Variants in VAV3 observed in about 807,000 individuals in gnomAD.
The protein encoded by VAV3 is vav guanine nucleotide exchange factor 3, also known as guanine nucleotide exchange factor VAV3.
In VAV3, 94 loss-of-function variants were observed where a neutral mutation model predicts 131.2. That is an observed-to-expected ratio of 0.72 (90% CI 0.61 to 0.85). VAV3 has a LOEUF of 0.85. Among genes scored for constraint, VAV3 ranks in the 40% least tolerant of loss-of-function variants. VAV3 has a pLI of 0.00. For synonymous variants in VAV3, 349 were observed against 342.0 expected (o/e 1.02, Z -0.22); for missense variants, 939 against 1,002.7 (o/e 0.94, Z 0.86).
intron 11 of VAV3, among the ~76,000 whole-genome samples, chr1:107,756,349 T>C (rs763152785): frequency 3.3e-5 from 5 of 152,180 alleles, no homozygotes; most frequent in Non-Finnish European, 7.3e-5. Context: ...AAGCAGTTCC[T>C]AACTTTGTTC....
chr1:107,829,740 A>G (rs548772576), intron 2 of VAV3, among the ~76,000 whole-genome samples: 4 of 152,310 alleles, frequency 2.6e-5, no homozygotes, highest in Non-Finnish European at 5.9e-5. Context: ...TTCAATTTTT[A>G]AATCTTAAAA....
At chr1:107,590,434 C>T (rs936447142) in intron 25 of VAV3, among the ~76,000 whole-genome samples, 1 of 151,844 alleles carries the variant, frequency 6.6e-6, no homozygotes, top group Non-Finnish European at 1.5e-5. Flanking sequence ...AACAATGCAC[C>T]AGAAGAAATT....
At chr1:107,709,632 G>A (rs951064074) in intron 15 of VAV3, among the ~76,000 whole-genome samples, 9 of 152,216 alleles carry the variant, frequency 5.9e-5, no homozygotes, top group African/African-American at 1.9e-4. Flanking sequence ...CGTGTCGTGA[G>A]AGGGACCAGG....
intron 17 of VAV3, 89 bp from the exon 18 acceptor site, chr1:107,688,495 C>T: frequency 6.3e-7 from 1 of 1,592,076 alleles, no homozygotes. Context: ...TGGTAAAACA[C>T]CACTGCTTTG....
At chr1:107,854,272 T>C (rs1669364978) in intron 2 of VAV3, among the ~76,000 whole-genome samples, 1 of 152,182 alleles carries the variant, frequency 6.6e-6, no homozygotes, top group Admixed American at 6.5e-5. Context: ...ATTGTACCAC[T>C]GCATTCCAAC....
chr1:107,801,819 T>A (rs1337144102), intron 2 of VAV3, among the ~76,000 whole-genome samples: 2 of 152,164 alleles, frequency 1.3e-5, no homozygotes, highest in Non-Finnish European at 2.9e-5. Context: ...TCATTTAAAT[T>A]TAATTCACCT....
chr1:107,892,451 T>C (rs943196974), intron 1 of VAV3, among the ~76,000 whole-genome samples: 2 of 152,048 alleles, frequency 1.3e-5, no homozygotes, highest in Non-Finnish European at 2.9e-5. Context: ...CCTGAAGGAG[T>C]TGTACAAATG....
intron 19 of VAV3, among the ~76,000 whole-genome samples, chr1:107,681,948 C>T (rs1162709161): frequency 2.0e-5 from 3 of 152,198 alleles, no homozygotes; most frequent in African/African-American, 4.8e-5. Flanking sequence ...GCGTGAGCCA[C>T]TGCACCCAGC....
At chr1:107,912,072 T>C (rs867328760) in intron 1 of VAV3, among the ~76,000 whole-genome samples, 51 of 152,340 alleles carry the variant, frequency 3.3e-4, no homozygotes, top group African/African-American at 1.2e-3. Context: ...TGTGTGTGTG[T>C]GCGTGTTTAC....
intron 2 of VAV3, among the ~76,000 whole-genome samples, chr1:107,845,675 A>G (rs1485989462): frequency 1.3e-5 from 2 of 152,118 alleles, no homozygotes; most frequent in Non-Finnish European, 2.9e-5. Context: ...ACAGCCAAAT[A>G]GATCAAACAG....
intron 1 of VAV3, among the ~76,000 whole-genome samples, chr1:107,878,510 A>G (rs1048542093): frequency 2.0e-5 from 3 of 152,182 alleles, no homozygotes; most frequent in Non-Finnish European, 2.9e-5. Flanking sequence ...AAAATGTCCT[A>G]AATTCTGCAT....
intron 20 of VAV3, among the ~76,000 whole-genome samples, chr1:107,637,738 A>G (rs941362131): frequency 6.6e-6 from 1 of 152,206 alleles, no homozygotes; most frequent in African/African-American, 2.4e-5. Context: ...AAATAATGCT[A>G]ATTCTATAAA....
At chr1:107,747,286 CA>C (rs907239407) in intron 15 of VAV3, among the ~76,000 whole-genome samples, 132 of 152,182 alleles carry the variant, frequency 8.7e-4, no homozygotes, top group African/African-American at 3.1e-3. Context: ...TGCTCTAGGA[CA>C]TGAAATTCAA....
At chr1:107,850,861 C>T (rs935663496) in intron 2 of VAV3, among the ~76,000 whole-genome samples, 7 of 151,416 alleles carry the variant, frequency 4.6e-5, no homozygotes, top group East Asian at 1.9e-4. Flanking sequence ...GGCTACCACA[C>T]ATATATATAT....
intron 11 of VAV3, among the ~76,000 whole-genome samples, chr1:107,756,740 C>G (rs1185945416): frequency 1.3e-5 from 2 of 151,898 alleles, no homozygotes; most frequent in African/African-American, 2.4e-5. Context: ...TTCCTGAAAA[C>G]TGAACAAACT....
At chr1:107,608,066 A>AT (rs34973130) in intron 22 of VAV3, among the ~76,000 whole-genome samples, 54,072 of 151,950 alleles carry the variant, frequency 0.36, 9,956 homozygotes, top group Middle Eastern at 0.42. Context: ...AAGAAAAGTA[A>AT]TTTAAAATTC....
intron 26 of VAV3, 105 bp downstream of exon 26, chr1:107,573,942 G>C: frequency 7.0e-7 from 1 of 1,432,412 alleles, no homozygotes; most frequent in Non-Finnish European, 9.3e-7. Context: ...TGGGCTGAAA[G>C]CTGTAATACA....
At chr1:107,808,516 A>G (rs991729187) in intron 2 of VAV3, among the ~76,000 whole-genome samples, 23 of 152,176 alleles carry the variant, frequency 1.5e-4, no homozygotes, top group African/African-American at 5.1e-4. Flanking sequence ...AAAACTAACA[A>G]ATGATCTATT....
intron 2 of VAV3, among the ~76,000 whole-genome samples, chr1:107,846,174 C>G (rs1335148920): frequency 6.6e-6 from 1 of 152,090 alleles, no homozygotes; most frequent in Non-Finnish European, 1.5e-5. Flanking sequence ...AATTTTCAAC[C>G]AGAATTTCAT....
Sources: gnomAD v4.1 joint callset for allele counts (sites outside exome capture counted in the v4.1 genomes callset) on GRCh38, gnomAD v4.1.1 for gene constraint, MANE v1.5 for transcripts, NCBI Gene and HGNC (gene_info 2026-07-23, HGNC 2026-07-21) for gene names.